Variants in JMJD1C observed in about 807,000 individuals in gnomAD.
JMJD1C encodes jumonji domain-containing protein 1C.
In JMJD1C, 31 loss-of-function variants were observed where a neutral mutation model predicts 245.3. The observed-to-expected ratio is 0.13, with a 90% CI of 0.09 to 0.17. The LOEUF is 0.17. JMJD1C is among the 10% of genes least tolerant of loss of function. JMJD1C has a pLI of 1.00. For missense variants in JMJD1C, 2,691 were observed against 3,000.2 expected (o/e 0.90, Z 2.41); for synonymous variants, 1,057 against 1,017.4 (o/e 1.04, Z -0.74).
At chr10:63,440,208 G>A (rs1445006282) in intron 1 of JMJD1C, among the ~76,000 whole-genome samples, 8 of 152,022 alleles carry the variant, frequency 5.3e-5, no homozygotes, top group East Asian at 1.9e-4. Flanking sequence ...GGTGGCAGGC[G>A]ACTTTAATCT....
At chr10:63,184,469 C>A in intron 21 of JMJD1C, 139 bp downstream of exon 21, 1 of 680,764 alleles carries the variant, frequency 1.5e-6, no homozygotes, top group Non-Finnish European at 2.4e-6. Flanking sequence ...GTCTCAATCT[C>A]CTGACCTCGT....
At chr10:63,243,126 A>ATATATATATAT (rs1564669004) in intron 3 of JMJD1C, among the ~76,000 whole-genome samples, 6 of 42,980 alleles carry the variant, frequency 1.4e-4, no homozygotes, top group Non-Finnish European at 3.5e-4. Context: ...TATATATATA[A>ATATATATATAT]ATATATATAT....
intron 4 of JMJD1C, among the ~76,000 whole-genome samples, chr10:63,218,129 T>C (rs868426243): frequency 9.9e-5 from 15 of 152,054 alleles, no homozygotes; most frequent in African/African-American, 3.6e-4. Flanking sequence ...GCTTTCAAAA[T>C]TTTCAAGTGC....
intron 1 of JMJD1C, chr10:63,465,148 C>A: frequency 3.1e-6 from 1 of 324,656 alleles, no homozygotes; most frequent in African/African-American, 2.2e-5. Context: ...CTACCCCCAC[C>A]TGCCCGCGCG....
rs1456003807 is a variant in JMJD1C at position 63,190,883 on chromosome 10, G to A, written c.6291+11C>T. Reference sequence around the variant, plus strand: ...GGCCCACATTAAAACCAAAAATCTGGCATCACTCACTGGGGCTCCCATTGA... The same window carrying A: ...GGCCCACATTAAAACCAAAAATCTGACATCACTCACTGGGGCTCCCATTGA... On this transcript the variant is annotated intron_variant, in intron 17 of 25. Transcript: ENST00000399262. 3.7e-6 allele frequency: 6 copies of A among 1,610,768 alleles called. No homozygotes were observed. In the South Asian group the frequency reaches 4.4e-5, roughly 12 times the overall value.
intron 1 of JMJD1C, among the ~76,000 whole-genome samples, chr10:63,434,371 C>T (rs1287809918): frequency 6.6e-6 from 1 of 152,068 alleles, no homozygotes; most frequent in Non-Finnish European, 1.5e-5. Context: ...TCTGATCACA[C>T]CAGTTTAACT....
intron 2 of JMJD1C, among the ~76,000 whole-genome samples, chr10:63,351,259 A>G (rs1944338367): frequency 6.6e-6 from 1 of 151,442 alleles, no homozygotes; most frequent in Admixed American, 6.6e-5. Flanking sequence ...TGGTATTTAT[A>G]GTGGTATTTA....
intron 2 of JMJD1C, among the ~76,000 whole-genome samples, chr10:63,308,609 GAA>G (rs58302652): frequency 7.7e-6 from 1 of 129,762 alleles, no homozygotes; most frequent in African/African-American, 2.9e-5. Flanking sequence ...GCTGCTATAG[GAA>G]AAAAAAAAAA....
chr10:63,470,246 G>A (rs1049618998), upstream of JMJD1C, among the ~76,000 whole-genome samples: 2 of 152,062 alleles, frequency 1.3e-5, no homozygotes, highest in Admixed American at 1.3e-4. Flanking sequence ...GCCTTGCTAA[G>A]AGATGATAAA....
chr10:63,337,161 C>T (rs975161373), intron 2 of JMJD1C, among the ~76,000 whole-genome samples: 1 of 151,826 alleles, frequency 6.6e-6, no homozygotes, highest in African/African-American at 2.4e-5. Context: ...CTCTTAACTT[C>T]CAAGTTAAGA....
chr10:63,353,226 C>T (rs1944511914), intron 2 of JMJD1C, among the ~76,000 whole-genome samples: 1 of 151,972 alleles, frequency 6.6e-6, no homozygotes, highest in African/African-American at 2.4e-5. Flanking sequence ...ACAGTATATG[C>T]AATAGAACTA....
chr10:63,178,826 T>C (rs1312002196), intron 22 of JMJD1C, among the ~76,000 whole-genome samples: 1 of 152,218 alleles, frequency 6.6e-6, no homozygotes. Flanking sequence ...TAGTTGTCTC[T>C]AAGTGTAGGA....
At chr10:63,302,030 C>A (rs560347764) in intron 2 of JMJD1C, among the ~76,000 whole-genome samples, 1 of 151,906 alleles carries the variant, frequency 6.6e-6, no homozygotes, top group South Asian at 2.1e-4. Context: ...CTCTTTTTTT[C>A]CCTTGAGACA....
intron 3 of JMJD1C, among the ~76,000 whole-genome samples, chr10:63,245,156 AAG>A (rs1191558747): frequency 3.8e-4 from 52 of 136,592 alleles, no homozygotes; most frequent in African/African-American, 9.0e-4. Flanking sequence ...AAAAAAAAAA[AAG>A]AGAGATTAAA....
chr10:63,415,549 C>G (rs1232444880), intron 1 of JMJD1C, among the ~76,000 whole-genome samples: 1 of 152,136 alleles, frequency 6.6e-6, no homozygotes, highest in East Asian at 1.9e-4. Flanking sequence ...ATTCTTAGAA[C>G]TACTGATACT....
chr10:63,260,611 A>G (rs1854579961), intron 3 of JMJD1C, among the ~76,000 whole-genome samples: 1 of 151,534 alleles, frequency 6.6e-6, no homozygotes, highest in Admixed American at 6.6e-5. Flanking sequence ...TTTTTTTGAG[A>G]TGTAGTCACG....
At chr10:63,241,315 T>A (rs1237874726) in intron 3 of JMJD1C, among the ~76,000 whole-genome samples, 1 of 152,162 alleles carries the variant, frequency 6.6e-6, no homozygotes, top group East Asian at 1.9e-4. Context: ...AGTCAAACTA[T>A]CATACATAGG....
At chr10:63,247,102 C>CAAAAAAAAAAAAAAAA (rs200646094) in intron 3 of JMJD1C, among the ~76,000 whole-genome samples, 3 of 60,852 alleles carry the variant, frequency 4.9e-5, no homozygotes, top group Non-Finnish European at 9.6e-5. Flanking sequence ...TAAACTGAGA[C>CAAAAAAAAAAAAAAAA]AAAAAAAACA....
intron 2 of JMJD1C, among the ~76,000 whole-genome samples, chr10:63,291,918 T>G (rs1003084696): frequency 2.6e-5 from 4 of 152,044 alleles, no homozygotes; most frequent in African/African-American, 9.7e-5. Context: ...TGTATAGACA[T>G]GAGAAATGTG....
Sources: gnomAD v4.1 joint callset for allele counts (sites outside exome capture counted in the v4.1 genomes callset) on GRCh38, gnomAD v4.1.1 for gene constraint, MANE v1.5 for transcripts, NCBI Gene and HGNC (gene_info 2026-07-23, HGNC 2026-07-21) for gene names.